Variants in CCDC102B observed in about 807,000 individuals in gnomAD.
CCDC102B encodes coiled-coil domain containing 102B, also known as coiled-coil domain-containing protein 102B.
Under a neutral mutation model 57.4 loss-of-function variants are expected in CCDC102B, and 75 were observed. That is an observed-to-expected ratio of 1.31 (90% CI 1.08 to 1.58). The LOEUF (loss-of-function observed/expected upper bound fraction) is 1.58. CCDC102B is among the 40% of genes most tolerant of loss of function. CCDC102B has a pLI of 0.00. For synonymous variants in CCDC102B, 206 were observed against 201.9 expected (o/e 1.02, Z -0.17); for missense variants, 636 against 582.6 (o/e 1.09, Z -0.94).
intron 6 of CCDC102B, among the ~76,000 whole-genome samples, chr18:68,910,347 C>A (rs12962140): frequency 0.28 from 42,426 of 151,976 alleles, 6,596 homozygotes; most frequent in Non-Finnish European, 0.36. Flanking sequence ...TAGGTATGAA[C>A]ATGGAGAGCA....
At chr18:68,984,306 T>C (rs553021882) in intron 6 of CCDC102B, among the ~76,000 whole-genome samples, 6 of 152,212 alleles carry the variant, frequency 3.9e-5, no homozygotes, top group African/African-American at 1.2e-4. Flanking sequence ...AGATTACTTA[T>C]GTAAACAGCT....
intron 6 of CCDC102B, among the ~76,000 whole-genome samples, chr18:68,982,906 T>C (rs1406283071): frequency 2.0e-5 from 3 of 151,908 alleles, no homozygotes; most frequent in African/African-American, 7.2e-5. Flanking sequence ...GTATCTCACA[T>C]ATTTTTCTTA....
chr18:68,998,639 G>GA (rs2051103050), intron 6 of CCDC102B, among the ~76,000 whole-genome samples: 1 of 150,632 alleles, frequency 6.6e-6, no homozygotes, highest in Non-Finnish European at 1.5e-5. Context: ...TGGCCAAAGG[G>GA]CCCTAGAGCT....
chr18:68,897,673 G>A, intron 6 of CCDC102B: 1 of 1,388,800 alleles, frequency 7.2e-7, no homozygotes, highest in Non-Finnish European at 9.5e-7. Flanking sequence ...AAAGGAAGAA[G>A]AAAAATGAAG....
At chr18:68,762,668 G>T (rs2034291793) in intron 2 of CCDC102B, among the ~76,000 whole-genome samples, 1 of 152,118 alleles carries the variant, frequency 6.6e-6, no homozygotes, top group Non-Finnish European at 1.5e-5. Context: ...CGTGTGTGGA[G>T]GTTGTGAAGA....
chr18:69,055,641 T>G (rs1180698740), downstream of CCDC102B, among the ~76,000 whole-genome samples: 5 of 152,088 alleles, frequency 3.3e-5, no homozygotes, highest in Non-Finnish European at 7.4e-5. Context: ...TGACCATGTT[T>G]CTCTGCTTTT....
intron 6 of CCDC102B, among the ~76,000 whole-genome samples, chr18:68,935,317 G>A (rs1257531756): frequency 4.6e-5 from 7 of 151,958 alleles, no homozygotes; most frequent in Admixed American, 6.6e-5. Flanking sequence ...TGTGCTGATG[G>A]ATGAGAGAGA....
intron 6 of CCDC102B, among the ~76,000 whole-genome samples, chr18:68,906,885 A>C (rs1330427803): frequency 6.8e-6 from 1 of 147,454 alleles, no homozygotes; most frequent in East Asian, 2.0e-4. Flanking sequence ...CTAAAAACCC[A>C]TTGTTAAACC....
At chr18:68,781,905 A>G (rs1292669208) in intron 2 of CCDC102B, among the ~76,000 whole-genome samples, 1 of 152,144 alleles carries the variant, frequency 6.6e-6, no homozygotes, top group Non-Finnish European at 1.5e-5. Flanking sequence ...ATATAACTAG[A>G]ATAACAGTCA....
At chr18:69,043,134 G>C (rs550987732) in intron 7 of CCDC102B, among the ~76,000 whole-genome samples, 1 of 152,210 alleles carries the variant, frequency 6.6e-6, no homozygotes, top group Admixed American at 6.5e-5. Context: ...TTGCATCATA[G>C]ACAAGGTAAA....
chr18:68,787,698 G>T (rs1183477701), intron 2 of CCDC102B, among the ~76,000 whole-genome samples: 1 of 146,200 alleles, frequency 6.8e-6, no homozygotes, highest in African/African-American at 2.5e-5. Flanking sequence ...TTTTTATTGC[G>T]TCTATTTGAT....
At chr18:68,983,945 T>C (rs936232076) in intron 6 of CCDC102B, among the ~76,000 whole-genome samples, 2 of 151,882 alleles carry the variant, frequency 1.3e-5, no homozygotes, top group Admixed American at 6.6e-5. Flanking sequence ...AAAACCAATA[T>C]AACATTTTTT....
intron 6 of CCDC102B, among the ~76,000 whole-genome samples, chr18:68,923,113 G>C (rs2041343459): frequency 6.6e-6 from 1 of 151,586 alleles, no homozygotes; most frequent in South Asian, 2.1e-4. Flanking sequence ...AGGACATGGA[G>C]AATCTCTGTT....
intron 6 of CCDC102B, among the ~76,000 whole-genome samples, chr18:68,986,588 G>A (rs1228693285): frequency 6.6e-6 from 1 of 151,942 alleles, no homozygotes; most frequent in Non-Finnish European, 1.5e-5. Context: ...AAACAAGACA[G>A]GCATGCCCCA....
At chr18:68,901,141 T>C (rs1338438935) in intron 6 of CCDC102B, among the ~76,000 whole-genome samples, 1 of 152,194 alleles carries the variant, frequency 6.6e-6, no homozygotes, top group Non-Finnish European at 1.5e-5. Context: ...CATAGCAAAG[T>C]CTTTCCCAAT....
At chr18:68,765,320 G>GAAAGAAAAGAAAAA (rs1568238728) in intron 2 of CCDC102B, among the ~76,000 whole-genome samples, 1 of 40,618 alleles carries the variant, frequency 2.5e-5, no homozygotes, top group Non-Finnish European at 5.2e-5. Flanking sequence ...AAGGAAGGAA[G>GAAAGAAAAGAAAAA]GAAGGAAAGA....
intron 2 of CCDC102B, among the ~76,000 whole-genome samples, chr18:68,790,872 T>C (rs2035435765): frequency 6.6e-6 from 1 of 152,108 alleles, no homozygotes; most frequent in Admixed American, 6.5e-5. Flanking sequence ...TAACTTTTAT[T>C]GTGTTTTGTT....
intron 6 of CCDC102B, among the ~76,000 whole-genome samples, chr18:68,928,539 A>G (rs1599706004): frequency 6.6e-6 from 1 of 151,844 alleles, no homozygotes; most frequent in East Asian, 1.9e-4. Flanking sequence ...AAAATGAAGA[A>G]TAAAAGGCAT....
chr18:68,877,755 C>A (rs975739053), intron 5 of CCDC102B, among the ~76,000 whole-genome samples: 5 of 152,140 alleles, frequency 3.3e-5, no homozygotes, highest in Admixed American at 3.3e-4. Flanking sequence ...TGAACTGACA[C>A]CTTCTGGAAA....
Sources: gnomAD v4.1 joint callset for allele counts (sites outside exome capture counted in the v4.1 genomes callset) on GRCh38, gnomAD v4.1.1 for gene constraint, MANE v1.5 for transcripts, NCBI Gene and HGNC (gene_info 2026-07-23, HGNC 2026-07-21) for gene names.